Variants in CSMD2 observed in about 807,000 individuals in gnomAD.
CSMD2 encodes the protein CUB and sushi domain-containing protein 2.
In CSMD2, 130 loss-of-function variants were observed where a neutral mutation model predicts 398.5. The ratio of observed to expected loss-of-function variants is 0.33; its 90% CI spans 0.28 to 0.38. The LOEUF is 0.38. Ranked by LOEUF, CSMD2 falls within the 10% of genes least tolerant of loss-of-function variation. CSMD2 has a pLI of 1.00. For missense variants in CSMD2, 3,829 were observed against 4,764.9 expected, an observed-to-expected ratio of 0.80 and a Z score of 5.78; for synonymous variants, 1,828 against 1,908.5, an observed-to-expected ratio of 0.96 and a Z score of 1.10.
intron 3 of CSMD2, among the ~76,000 whole-genome samples, chr1:34,029,213 C>T (rs1036085035): frequency 6.6e-6 from 1 of 152,174 alleles, no homozygotes; most frequent in Non-Finnish European, 1.5e-5. Flanking sequence ...TCCCTGCTTG[C>T]CACCCAGCAC....
intron 49 of CSMD2, among the ~76,000 whole-genome samples, chr1:33,574,870 G>T (rs928246775): frequency 2.0e-5 from 3 of 152,198 alleles, no homozygotes; most frequent in Admixed American, 1.3e-4. Context: ...TCAACTACCT[G>T]CCCAGCTTCC....
chr1:33,721,104 T>C (rs1417275054), intron 19 of CSMD2, among the ~76,000 whole-genome samples: 1 of 152,204 alleles, frequency 6.6e-6, no homozygotes, highest in Non-Finnish European at 1.5e-5. Flanking sequence ...TCTTGTTGAT[T>C]CTCTGCTGAG....
At position 33,902,606 on chromosome 1, in the gene CSMD2, C is replaced by T. The variant is rs139124853; in HGVS notation, c.920+15488G>A. On this transcript the variant is annotated intron_variant, in intron 5 of 70. Coordinates refer to ENST00000373381, the MANE Select transcript of CSMD2 (RefSeq NM_001281956.2). ...GCATGGACTGCACTAAACCCTTTAT[C>T]CCTGCACCTTTTTTTCTGGCCCGGA... 6.6e-5 allele frequency among the ~76,000 whole-genome samples: 10 copies of T among 152,308 alleles called. No individual in the cohort carries two copies. In the East Asian group the frequency reaches 1.5e-3, roughly 24 times the overall value.
intron 12 of CSMD2, among the ~76,000 whole-genome samples, chr1:33,779,752 A>G (rs1652467109): frequency 6.6e-6 from 1 of 152,206 alleles, no homozygotes; most frequent in South Asian, 2.1e-4. Flanking sequence ...CTGTTGTTAT[A>G]GCAACGGGTG....
intron 10 of CSMD2, among the ~76,000 whole-genome samples, 193 bp downstream of exon 10, chr1:33,810,550 T>C (rs1656744947): frequency 6.6e-6 from 1 of 152,116 alleles, no homozygotes; most frequent in African/African-American, 2.4e-5. Flanking sequence ...TTTGTTGTAT[T>C]GGTGTTCTTT....
At chr1:33,919,874 G>C (rs1278273726) in intron 4 of CSMD2, among the ~76,000 whole-genome samples, 1 of 152,226 alleles carries the variant, frequency 6.6e-6, no homozygotes, top group Non-Finnish European at 1.5e-5. Flanking sequence ...CCTACTATGT[G>C]TCAGCCACTG....
At chr1:33,743,087 C>G (rs1366226777) in intron 14 of CSMD2, among the ~76,000 whole-genome samples, 193 bp downstream of exon 14, 1 of 152,166 alleles carries the variant, frequency 6.6e-6, no homozygotes, top group Non-Finnish European at 1.5e-5. Flanking sequence ...GAAAAGAGCA[C>G]CCTGCCTGGC....
intron 13 of CSMD2, among the ~76,000 whole-genome samples, chr1:33,761,645 GCT>G (rs1169556961): frequency 6.6e-6 from 1 of 152,100 alleles, no homozygotes; most frequent in Non-Finnish European, 1.5e-5. Context: ...GAGCCCCTGA[GCT>G]CTGTTAGAGA....
At chr1:33,830,725 G>A (rs1382558342) in intron 6 of CSMD2, among the ~76,000 whole-genome samples, 6 of 152,306 alleles carry the variant, frequency 3.9e-5, no homozygotes, top group Admixed American at 3.9e-4. Context: ...GCTACAAGAG[G>A]AAATTCAAAC....
chr1:33,734,949 T>A (rs1046113373), intron 15 of CSMD2, among the ~76,000 whole-genome samples: 6 of 152,230 alleles, frequency 3.9e-5, no homozygotes, highest in African/African-American at 1.4e-4. Flanking sequence ...CTGATATGTT[T>A]GTCTTCTGCT....
chr1:33,599,524 C>G (rs1350233566), intron 44 of CSMD2: 1 of 152,168 alleles, frequency 6.6e-6, no homozygotes, highest in Non-Finnish European at 1.5e-5. Flanking sequence ...AACATTGAGG[C>G]TCAGAAGGGT....
intron 1 of CSMD2, among the ~76,000 whole-genome samples, chr1:34,092,593 C>T (rs1014251638): frequency 5.9e-5 from 9 of 152,150 alleles, no homozygotes; most frequent in Non-Finnish European, 1.0e-4. Flanking sequence ...TTGCCTCACT[C>T]GGGACGTGCA....
intron 15 of CSMD2, 96 bp downstream of exon 15, chr1:33,739,044 A>T (rs554195676): frequency 8.1e-7 from 1 of 1,236,990 alleles, no homozygotes; most frequent in Non-Finnish European, 1.1e-6. Flanking sequence ...GGAAGGACCA[A>T]CGCAGAAAGG....
chr1:33,596,486 A>T (rs1313634652), intron 44 of CSMD2, among the ~76,000 whole-genome samples: 4 of 152,202 alleles, frequency 2.6e-5, no homozygotes, highest in African/African-American at 4.8e-5. Context: ...TAATAAAAAC[A>T]TACCTGAGAT....
intron 13 of CSMD2, among the ~76,000 whole-genome samples, chr1:33,749,061 A>G (rs1305768193): frequency 6.7e-6 from 1 of 150,240 alleles, no homozygotes; most frequent in Non-Finnish European, 1.5e-5. Flanking sequence ...CCTGAGCTCA[A>G]TGAGGAAAAC....
intron 3 of CSMD2, among the ~76,000 whole-genome samples, chr1:33,945,762 C>T (rs547209773): frequency 3.9e-5 from 6 of 152,132 alleles, no homozygotes; most frequent in Non-Finnish European, 8.8e-5. Context: ...CATCCTGCGG[C>T]CTATGTGAAC....
intron 55 of CSMD2, among the ~76,000 whole-genome samples, chr1:33,553,039 CAT>C (rs1376072362): frequency 1.3e-5 from 2 of 152,022 alleles, no homozygotes; most frequent in African/African-American, 4.8e-5. Flanking sequence ...ATGCTTTTTA[CAT>C]AGAGAGCAGT....
rs376118739 is a variant in CSMD2 at position 33,572,575 on chromosome 1, C to A, written c.7693G>T (p.Ala2565Ser). ...TCCAGACACTCTGCAGTGGCCTCAG[C>A]GCCTGCCTGGAGGTGGTAGCCTTCA... Reference protein sequence around the residue: ...CSEGYHLQAGAEATAECLDTG... With the variant: ...CSEGYHLQAGSEATAECLDTG... The change falls in exon 50 of 71, where the codon GCT becomes TCT. Residue 2565 changes from alanine (A) to serine (S), a missense_variant. Ala to Ser is a moderately conservative substitution (Grantham distance 99). Coordinates refer to ENST00000373381, the MANE Select transcript of CSMD2 (RefSeq NM_001281956.2). 1 of 1,614,004 alleles carries A rather than the reference C, an allele frequency of 6.2e-7. No individual in the cohort carries two copies. The highest frequency in any genetic ancestry group is 8.5e-7 in the Non-Finnish European group (1 of 1,180,020).
chr1:33,826,846 G>T (rs886368744), intron 6 of CSMD2, among the ~76,000 whole-genome samples: 5 of 152,086 alleles, frequency 3.3e-5, no homozygotes, highest in African/African-American at 1.2e-4. Context: ...AGCTACCCAC[G>T]GTGCCATCTT....
Sources: allele counts gnomAD v4.1 joint callset (sites outside exome capture counted in the v4.1 genomes callset), GRCh38; gene constraint gnomAD v4.1.1; transcripts MANE v1.5; gene names NCBI Gene and HGNC (gene_info 2026-07-23, HGNC 2026-07-21).